Variants in PRKCZ observed in about 807,000 individuals in gnomAD.
The protein encoded by PRKCZ is protein kinase C zeta.
In PRKCZ, 33 loss-of-function variants were observed where a neutral mutation model predicts 79.5. The observed-to-expected ratio is 0.41, with a 90% CI of 0.31 to 0.55. The LOEUF (loss-of-function observed/expected upper bound fraction) is 0.55. PRKCZ is among the 20% of genes least tolerant of loss of function. PRKCZ has a pLI of 0.19. For synonymous variants in PRKCZ, 342 were observed against 320.9 expected (o/e 1.07, Z -0.70); for missense variants, 578 against 813.5 (o/e 0.71, Z 3.52).
chr1:2,151,237 T>G (rs1034784467), intron 9 of PRKCZ, among the ~76,000 whole-genome samples: 4 of 152,232 alleles, frequency 2.6e-5, no homozygotes, highest in Non-Finnish European at 5.9e-5. Context: ...ACAGCCAAGA[T>G]GCACAGTGCA....
At chr1:2,102,089 C>A (rs1667533048) in intron 4 of PRKCZ, among the ~76,000 whole-genome samples, 1 of 152,092 alleles carries the variant, frequency 6.6e-6, no homozygotes, top group African/African-American at 2.4e-5. Context: ...CGCTCCTACC[C>A]AGTAGCAGGT....
chr1:2,114,271 A>G (rs1355942506), intron 4 of PRKCZ, among the ~76,000 whole-genome samples: 1 of 152,186 alleles, frequency 6.6e-6, no homozygotes, highest in East Asian at 1.9e-4. Flanking sequence ...GTGTTAATAC[A>G]GGTAGCCCAA....
rs538571372 is a variant in PRKCZ, at chr1:2,086,315, C to T, written c.334+26724C>T. 9.9e-5 allele frequency among the ~76,000 whole-genome samples: 15 copies of T among 152,206 alleles called. No homozygotes were observed. In the South Asian group the frequency reaches 2.5e-3, roughly 25 times the overall value. On this transcript the variant is annotated intron_variant, in intron 4 of 17. Coordinates refer to ENST00000378567, the MANE Select transcript of PRKCZ (RefSeq NM_002744.6). ...GCCTCAAGCGATCCTCTTGCCTCAG[C>T]CTCCCTAAGTGCTGGGATTACAGGT... is the stretch of plus-strand genomic sequence containing the variant.
At chr1:2,156,176 C>T in intron 10 of PRKCZ, 84 bp downstream of exon 10, 2 of 1,297,278 alleles carry the variant, frequency 1.5e-6, no homozygotes, top group Non-Finnish European at 2.2e-6. Flanking sequence ...GATGTGTCAA[C>T]TGTCACCTGT....
At chr1:2,166,417 T>G (rs1385461651) in intron 10 of PRKCZ, among the ~76,000 whole-genome samples, 1 of 152,084 alleles carries the variant, frequency 6.6e-6, no homozygotes, top group African/African-American at 2.4e-5. Context: ...AGATCTTGTC[T>G]CAGAAAAACA....
At chr1:2,150,610 G>A (rs1210916222) in intron 8 of PRKCZ, among the ~76,000 whole-genome samples, 180 bp from the exon 9 acceptor site, 1 of 152,224 alleles carries the variant, frequency 6.6e-6, no homozygotes, top group Non-Finnish European at 1.5e-5. Flanking sequence ...TACCTTTCAT[G>A]CCCCAGTTTA....
At chr1:2,096,682 G>A (rs79653337) in intron 4 of PRKCZ, among the ~76,000 whole-genome samples, 3,414 of 152,266 alleles carry the variant, frequency 0.022, 118 homozygotes, top group African/African-American at 0.078. Context: ...TCTGCAGCAA[G>A]GCGGTGAATG....
Position 2,056,543 on chromosome 1 carries a change from C to T in PRKCZ, c.253C>T (p.Gln85Ter). 6.2e-7 allele frequency: 1 copy of T among 1,613,970 alleles called. No homozygotes were observed. Among genetic ancestry groups the T allele is most frequent in the South Asian group, 1.1e-5 (1 of 91,008 alleles). ...GGAAGAGGCTTTCCGCCTGGCCCGTCAGTGCAGGGATGAAGGCCTCATCAT... is the reference window on the plus strand; with the variant it reads ...GGAAGAGGCTTTCCGCCTGGCCCGTTAGTGCAGGGATGAAGGCCTCATCAT... ...ELEEAFRLAR[Q>*]CRDEGLIIHV... The change falls in exon 3 of 18, where the codon CAG (glutamine) becomes TAG (stop). Residue 85 changes from glutamine to a stop codon, truncating the protein, a stop_gained. Transcript: ENST00000378567. LOFTEE classifies it high-confidence loss of function.
chr1:2,067,245 TACAG>T (rs1661197629), intron 4 of PRKCZ, among the ~76,000 whole-genome samples: 1 of 152,230 alleles, frequency 6.6e-6, no homozygotes, highest in African/African-American at 2.4e-5. Flanking sequence ...CCGCTGTGGG[TACAG>T]CGCTCTGCTG....
chr1:2,058,306 A>ATTTTTTTTTTTTTTT (rs35722361), intron 3 of PRKCZ, among the ~76,000 whole-genome samples: 3 of 125,350 alleles, frequency 2.4e-5, no homozygotes, highest in Non-Finnish European at 3.3e-5. Flanking sequence ...CCCGGCCCCA[A>ATTTTTTTTTTTTTTT]TTTTTTTTTT....
intron 16 of PRKCZ, chr1:2,184,342 G>A (rs767681742): frequency 2.9e-5 from 13 of 454,908 alleles, no homozygotes; most frequent in East Asian, 2.2e-4. Flanking sequence ...ATCCTGCTCC[G>A]TCCCACATGT....
At chr1:2,182,361 T>G (rs1318426621) in intron 16 of PRKCZ, 1 of 158,194 alleles carries the variant, frequency 6.3e-6, no homozygotes, top group Non-Finnish European at 1.4e-5. Flanking sequence ...GGCAGAAACC[T>G]GCCAATTCCA....
Position 2,070,598 on chromosome 1 carries a change from G to T in PRKCZ, c.334+11007G>T, listed in dbSNP as rs149035433. Among the ~76,000 whole-genome samples, 17 of 152,312 alleles carry T rather than the reference G, an allele frequency of 1.1e-4. 1 individual carries two copies. Among genetic ancestry groups the T allele is most frequent in the Middle Eastern group, 6.8e-3 (2 of 294 alleles). ...GGGTGGCAAAGTCGCCTTGGCCTGT[G>T]TAGGGGAAGTGGAGGAACCTGGGCT... On this transcript the variant is annotated intron_variant, in intron 4 of 17. Coordinates refer to ENST00000378567, the MANE Select transcript of PRKCZ (RefSeq NM_002744.6).
chr1:2,097,327 G>A (rs1035321280), intron 4 of PRKCZ, among the ~76,000 whole-genome samples: 2 of 152,160 alleles, frequency 1.3e-5, no homozygotes, highest in Non-Finnish European at 2.9e-5. Context: ...AGGGGCCCAG[G>A]TACCTTTCTG....
chr1:2,097,633 T>C (rs909911134), intron 4 of PRKCZ, among the ~76,000 whole-genome samples: 10 of 151,926 alleles, frequency 6.6e-5, no homozygotes, highest in African/African-American at 2.2e-4. Flanking sequence ...AGCCCCATGT[T>C]GTGTGCACCC....
chr1:2,080,652 G>A (rs984842951), intron 4 of PRKCZ, among the ~76,000 whole-genome samples: 1 of 152,148 alleles, frequency 6.6e-6, no homozygotes, highest in Non-Finnish European at 1.5e-5. Context: ...AGCGTAATGC[G>A]TGAGTTACAC....
At chr1:2,171,960 G>C (rs1433243989) in intron 11 of PRKCZ, 95 bp from the exon 12 acceptor site, 5 of 1,435,500 alleles carry the variant, frequency 3.5e-6, no homozygotes, top group Admixed American at 2.3e-5. Context: ...CCGGGCCCGT[G>C]GTGGGGCAAA....
chr1:2,101,307 G>A (rs945492245), intron 4 of PRKCZ, among the ~76,000 whole-genome samples: 3 of 152,096 alleles, frequency 2.0e-5, no homozygotes, highest in Admixed American at 6.5e-5. Flanking sequence ...AAAATGCACT[G>A]GCCACGTCCT....
chr1:2,140,558 G>A (rs567292805), intron 5 of PRKCZ, among the ~76,000 whole-genome samples: 1 of 152,316 alleles, frequency 6.6e-6, no homozygotes, highest in East Asian at 1.9e-4. Flanking sequence ...TCGGTAGGCT[G>A]AGGCAGGGGA....
Sources: allele counts gnomAD v4.1 joint callset (sites outside exome capture counted in the v4.1 genomes callset), GRCh38; gene constraint gnomAD v4.1.1; transcripts MANE v1.5; gene names NCBI Gene and HGNC (gene_info 2026-07-23, HGNC 2026-07-21).